Variants in GSE1 observed in about 807,000 individuals in gnomAD.
The protein encoded by GSE1 is genetic suppressor element 1.
GSE1 carries 32 observed loss-of-function variants against 112.6 expected under a neutral mutation model. The observed-to-expected ratio is 0.28, with a 90% CI of 0.21 to 0.38. The LOEUF is 0.38. GSE1 is among the 10% of genes least tolerant of loss of function. The pLI, the probability that GSE1 is intolerant of heterozygous loss-of-function variation, is 1.00. For synonymous variants in GSE1, 1,115 were observed against 735.6 expected (o/e 1.52, Z -8.35); for missense variants, 2,348 against 1,699.2 (o/e 1.38, Z -6.71).
chr16:85,577,928 C>G (rs2046295146), intron 1 of GSE1, among the ~76,000 whole-genome samples: 1 of 152,248 alleles, frequency 6.6e-6, no homozygotes, highest in Non-Finnish European at 1.5e-5. Context: ...ATGGCCGTGC[C>G]TTTGCAGAGC....
intron 1 of GSE1, among the ~76,000 whole-genome samples, chr16:85,299,310 G>A (rs1055402488): frequency 6.6e-6 from 1 of 152,226 alleles, no homozygotes; most frequent in Non-Finnish European, 1.5e-5. Context: ...ATTCAGGAAC[G>A]GGCCGGTCTG....
chr16:85,425,358 A>G (rs1438723685), intron 2 of GSE1, among the ~76,000 whole-genome samples: 1 of 117,164 alleles, frequency 8.5e-6, no homozygotes, highest in African/African-American at 2.7e-5. Flanking sequence ...GCCAAGGGAA[A>G]GGGTGGAGTT....
chr16:85,645,106 C>G (rs887273298), intron 2 of GSE1, among the ~76,000 whole-genome samples: 1 of 151,050 alleles, frequency 6.6e-6, no homozygotes, highest in Non-Finnish European at 1.5e-5. Flanking sequence ...TAGTAGCCCG[C>G]CGGCACAGTG....
chr16:85,326,342 T>C (rs775029190), intron 1 of GSE1, among the ~76,000 whole-genome samples: 10 of 152,228 alleles, frequency 6.6e-5, no homozygotes, highest in Non-Finnish European at 1.2e-4. Context: ...AGTGAACTCA[T>C]CTGTAAAATG....
intron 1 of GSE1, among the ~76,000 whole-genome samples, chr16:85,627,168 C>CG (rs2049152487): frequency 1.0e-5 from 1 of 95,318 alleles, no homozygotes; most frequent in African/African-American, 4.4e-5. Flanking sequence ...TTACGGGGGG[C>CG]GGGGGGTGGG....
chr16:85,568,750 G>GAAGCTC (rs2045862666), intron 1 of GSE1, among the ~76,000 whole-genome samples: 1 of 152,224 alleles, frequency 6.6e-6, no homozygotes, highest in Non-Finnish European at 1.5e-5. Flanking sequence ...TAGCAAAGTT[G>GAAGCTC]AAGCTCGACC....
chr16:85,603,580 A>C (rs994870262), intron 1 of GSE1, among the ~76,000 whole-genome samples: 2 of 152,220 alleles, frequency 1.3e-5, no homozygotes, highest in Admixed American at 6.5e-5. Context: ...GGCTCACTGC[A>C]GCCTCAACCT....
chr16:85,225,340 C>G (rs1186100349), intron 1 of GSE1, among the ~76,000 whole-genome samples: 1 of 152,026 alleles, frequency 6.6e-6, no homozygotes, highest in Non-Finnish European at 1.5e-5. Context: ...AGGGGTGTTC[C>G]TGGCAGAGAG....
intron 1 of GSE1, among the ~76,000 whole-genome samples, chr16:85,181,770 C>A (rs540159289): frequency 1.3e-5 from 2 of 152,138 alleles, no homozygotes; most frequent in Admixed American, 1.3e-4. Flanking sequence ...GGGGCTGGGA[C>A]GGGTCCTGGG....
intron 1 of GSE1, among the ~76,000 whole-genome samples, chr16:85,286,888 G>A (rs2045046337): frequency 6.6e-6 from 1 of 152,180 alleles, no homozygotes; most frequent in Admixed American, 6.5e-5. Flanking sequence ...CCCATAGTAT[G>A]GGCTCCGTGG....
rs71151300 is a variant in GSE1 at position 85,516,798 on chromosome 16, C to CTTT, written c.2465-117101_2465-117099dup. On this transcript the variant is annotated intron_variant, in intron 2 of 2. Coordinates refer to the GSE1 transcript ENST00000637419. ...CTTGGGGCAGGGATGTGTCTTGGTTCTTTTTTTTTTTTTTTTTGAGACGGA... is the reference window on the plus strand; with the variant it reads ...CTTGGGGCAGGGATGTGTCTTGGTTCTTTTTTTTTTTTTTTTTTTTGAGACGGA... Among the ~76,000 whole-genome samples, 259 of 129,582 alleles carry CTTT rather than the reference C, an allele frequency of 2.0e-3. 3 individuals carry two copies. Among genetic ancestry groups the CTTT allele is most frequent in the East Asian group, 0.012 (51 of 4,396 alleles). 85.0% of individuals were successfully genotyped at this position (129,582 alleles called of 152,430 possible).
chr16:85,578,217 G>C (rs145975910), intron 1 of GSE1, among the ~76,000 whole-genome samples: 1 of 152,226 alleles, frequency 6.6e-6, no homozygotes, highest in Non-Finnish European at 1.5e-5. Context: ...GGGCGGCACC[G>C]GGACAGCTGC....
chr16:85,203,949 T>C (rs1228821658), intron 1 of GSE1, among the ~76,000 whole-genome samples: 1 of 152,150 alleles, frequency 6.6e-6, no homozygotes, highest in Non-Finnish European at 1.5e-5. Flanking sequence ...TTTTGTATTT[T>C]TTGTAGAGAC....
intron 2 of GSE1, among the ~76,000 whole-genome samples, chr16:85,365,815 G>A (rs2047174050): frequency 6.6e-6 from 1 of 152,240 alleles, no homozygotes. Context: ...ATGGCTTTCA[G>A]TGTGCATACC....
Position 85,505,193 on chromosome 16 carries a change from G to A in GSE1, c.2465-128721G>A, listed in dbSNP as rs367595489. Among the ~76,000 whole-genome samples the A allele has an allele frequency of 1.5e-4, 23 of 152,258 alleles. No homozygotes were observed. The South Asian group carries it at 2.3e-3, about 15-fold the overall frequency. ...GAGGATGGTGCTGTGGGTGGGAGGTGCCCCAAGAGCAGGGTGATAGGGTGA... is the reference window on the plus strand; with the variant it reads ...GAGGATGGTGCTGTGGGTGGGAGGTACCCCAAGAGCAGGGTGATAGGGTGA... On this transcript the variant is annotated intron_variant, in intron 2 of 2. Transcript: ENST00000637419.
Position 85,241,261 on chromosome 16 carries a change from G to A in GSE1, c.2283+69454G>A, listed in dbSNP as rs117628616. 6.7e-3 allele frequency among the ~76,000 whole-genome samples: 1,024 copies of A among 152,328 alleles called. 7 individuals carry two copies. The highest frequency in any genetic ancestry group is 0.01 in the Non-Finnish European group (712 of 68,030). The stretch of plus-strand genomic sequence containing the variant: ...TTGTGTCTGTAAAAGCAGGGCTGAT[G>A]GTTTTCACCCTAGAGGGCTGTGGTG... On this transcript the variant is annotated intron_variant, in intron 1 of 2. Coordinates refer to the GSE1 transcript ENST00000637419.
At chr16:85,361,634 G>A (rs2047084296) in intron 2 of GSE1, among the ~76,000 whole-genome samples, 2 of 152,198 alleles carry the variant, frequency 1.3e-5, no homozygotes, top group Non-Finnish European at 2.9e-5. Context: ...AGGGCCGTCC[G>A]TTTCTGACCC....
rs118077313 is a variant in GSE1, at chr16:85,226,264, C to T, written c.2283+54457C>T. Among the ~76,000 whole-genome samples, 1,393 of 152,258 alleles carry T rather than the reference C, an allele frequency of 9.1e-3. 10 individuals carry two copies. Among genetic ancestry groups the T allele is most frequent in the Non-Finnish European group, 0.016 (1,073 of 68,014 alleles). ...AAATGGGGTAACACTGCTTGGTTTC[C>T]CAGGACCTCTTTTTAGGGTTACATT... On this transcript the variant is annotated intron_variant, in intron 1 of 2. Transcript: ENST00000637419.
At chr16:85,624,230 G>T (rs559629872) in intron 1 of GSE1, among the ~76,000 whole-genome samples, 5 of 152,312 alleles carry the variant, frequency 3.3e-5, no homozygotes, top group African/African-American at 1.2e-4. Context: ...CCTCTCACCT[G>T]CCTGGACACC....
Sources: gnomAD v4.1 joint callset for allele counts (sites outside exome capture counted in the v4.1 genomes callset) on GRCh38, gnomAD v4.1.1 for gene constraint, MANE v1.5 for transcripts, NCBI Gene and HGNC (gene_info 2026-07-23, HGNC 2026-07-21) for gene names.